The following PLEKHH1 variants were observed in gnomAD, a reference collection of about 807,000 sequenced individuals.
The protein encoded by PLEKHH1 is pleckstrin homology, MyTH4 and FERM domain containing H1.
A neutral mutation model predicts 160.0 loss-of-function variants in PLEKHH1; 104 were observed. The ratio of observed to expected loss-of-function variants is 0.65; its 90% CI spans 0.55 to 0.76. The LOEUF (loss-of-function observed/expected upper bound fraction) is 0.76, where lower values mean the gene tolerates loss of function less well. Among genes scored for constraint, PLEKHH1 ranks in the 30% least tolerant of loss-of-function variants. The pLI is 0.00. For missense variants in PLEKHH1, 1,427 were observed against 1,724.1 expected, an observed-to-expected ratio of 0.83 and a Z score of 3.05; for synonymous variants, 619 against 678.4, an observed-to-expected ratio of 0.91 and a Z score of 1.36.
At position 67,580,476 on chromosome 14, in the gene PLEKHH1, T is replaced by C. The variant is rs1033203421; in HGVS notation, c.3184-462T>C. On this transcript the variant is annotated intron_variant, in intron 22 of 28. Transcript: ENST00000329153. ...CATATTTGGCTCCAGTGTTTGCTTGTCTTTAACAGGACAAAGGCTTCTATG... is the reference window on the plus strand; with the variant it reads ...CATATTTGGCTCCAGTGTTTGCTTGCCTTTAACAGGACAAAGGCTTCTATG... Among the ~76,000 whole-genome samples, 3 of 152,260 alleles carry C rather than the reference T, an allele frequency of 2.0e-5. No individual in the cohort carries two copies. The South Asian group carries it at 6.2e-4, about 32-fold the overall frequency.
chr14:67,577,548 C>T (rs1052830415), intron 18 of PLEKHH1, 134 bp downstream of exon 18: 3 of 633,920 alleles, frequency 4.7e-6, no homozygotes, highest in Non-Finnish European at 8.4e-6. Flanking sequence ...GTCCCTATCA[C>T]TTCCTGGATG....
At chr14:67,570,045 C>A (rs2035298369) in intron 9 of PLEKHH1, 33 bp downstream of exon 9, 2 of 1,409,350 alleles carry the variant, frequency 1.4e-6, no homozygotes, top group Non-Finnish European at 2.0e-6. Flanking sequence ...GGGGGTGTCT[C>A]ATCAGGAAAG....
chr14:67,552,856 G>T (rs2034451939), intron 2 of PLEKHH1, among the ~76,000 whole-genome samples: 1 of 152,078 alleles, frequency 6.6e-6, no homozygotes, highest in Non-Finnish European at 1.5e-5. Flanking sequence ...CCCAGGGCTG[G>T]GAGGATACCC....
Position 67,562,337 on chromosome 14 carries a change from T to A in PLEKHH1, c.706T>A (p.Leu236Met), listed in dbSNP as rs543477446. ...CTCTGTTTCTGAAGCAGCAAGCCCC[T>A]TGGAGGATTCTAGTTCCAGCACGGT... Reference protein sequence around the residue: ...KDSVSEAASPLEDSSSSTVHS... With the variant: ...KDSVSEAASPMEDSSSSTVHS... The change falls in exon 7 of 29, where the codon TTG (leucine) becomes ATG (methionine). Residue 236 changes from leucine to methionine, a missense_variant. Physicochemically the swap from Leu to Met is conservative, Grantham distance 15. Around this residue, in one of 6 missense-constraint regions of PLEKHH1, gnomAD observed 831 missense variants for 929.2 expected, o/e 0.89. Transcript: ENST00000329153. 1.2e-6 allele frequency: 2 copies of A among 1,613,912 alleles called. No individual in the cohort carries two copies. The highest frequency in any genetic ancestry group is 2.2e-5 in the South Asian group (2 of 91,080).
At position 67,562,445 on chromosome 14, in the gene PLEKHH1, C is replaced by A. The variant is rs757497606; in HGVS notation, c.814C>A (p.Leu272Ile). The A allele has an allele frequency of 2.2e-5, 36 of 1,613,588 alleles. 1 individual carries two copies. The East Asian group carries it at 7.8e-4, about 35-fold the overall frequency. Residue 272 changes from leucine (L) to isoleucine (I), a missense_variant, in exon 7 of 29, where the codon CTT (leucine) becomes ATT (isoleucine). Around this residue, in one of 6 missense-constraint regions of PLEKHH1, gnomAD observed 831 missense variants for 929.2 expected, o/e 0.89. Transcript: ENST00000329153. ...ESPPHQPCMK[L>I]LTFRCSSASW... ...CCCTCCCCACCAGCCATGCATGAAG[C>A]TTCTTACCTTCAGATGTAGTTCAGC...
Position 67,579,711 on chromosome 14 carries a change from C to T in PLEKHH1, c.3028-10C>T, listed in dbSNP as rs760404325. ...GTTCACTCAGGGTTGGAACTCTTCTCCCGCCTCAGGTGGTTGGTTTTGACG... is the reference window on the plus strand; with the variant it reads ...GTTCACTCAGGGTTGGAACTCTTCTTCCGCCTCAGGTGGTTGGTTTTGACG... On this transcript the variant is annotated splice_polypyrimidine_tract_variant and intron_variant, in intron 21 of 28. Transcript: ENST00000329153. 1 of 1,611,080 alleles carries T rather than the reference C, an allele frequency of 6.2e-7. No individual in the cohort carries two copies. The highest frequency in any genetic ancestry group is 2.2e-5 in the East Asian group (1 of 44,836).
In PLEKHH1 at chr14:67,571,885, C is replaced by T. The variant is rs1238388516; in HGVS notation, c.1568C>T (p.Pro523Leu). 6.2e-7 allele frequency: 1 copy of T among 1,611,148 alleles called. No homozygotes were observed. The highest frequency in any genetic ancestry group is 1.7e-5 in the Admixed American group (1 of 59,512). ...AGGAAGACCAGCGGACTAGGCAGCC[C>T]CCGGGCCATCAAGAGAGGTACAGAG... ...ESRKTSGLGS[P>L]RAIKRGVSMS... Residue 523 changes from proline to leucine, a missense_variant, in exon 10 of 29, where the codon CCC becomes CTC. Around this residue, in one of 6 missense-constraint regions of PLEKHH1, gnomAD observed 831 missense variants for 929.2 expected, o/e 0.89. Transcript: ENST00000329153.
rs1222727988 is a variant in PLEKHH1, at chr14:67,574,927, A to G, written c.2089-465A>G. ...GAACCAAAGCGACTTGCACTCAGCA[A>G]GCTCAGGGCTGGCAGGCTCGCTGTG... is the stretch of plus-strand genomic sequence containing the variant. On this transcript the variant is annotated intron_variant, in intron 14 of 28. Transcript: ENST00000329153. The surrounding 1 kb of genome is among the most constrained non-coding windows in gnomAD (Gnocchi z 4.2). Among the ~76,000 whole-genome samples the G allele has an allele frequency of 6.6e-5, 10 of 152,166 alleles. No individual in the cohort carries two copies. The highest frequency in any genetic ancestry group is 2.9e-5 in the Non-Finnish European group (2 of 68,030).
chr14:67,576,127 A>G lies in PLEKHH1; in HGVS notation c.2352+122A>G. 1.3e-6 allele frequency: 1 copy of G among 745,774 alleles called. No homozygotes were observed. The highest frequency in any genetic ancestry group is 2.2e-6 in the Non-Finnish European group (1 of 455,340). 46.2% of individuals were successfully genotyped at this position (745,774 alleles called of 1,614,324 possible). A position where few individuals can be genotyped will look rare whatever the true frequency, so the allele number is the denominator to read the frequency against. ...TTTCCTTTTGGACACTTTGGCAACT[A>G]ATATTCTCTGAATGGGAATATTCCT... On this transcript the variant is annotated intron_variant, in intron 16 of 28. Transcript: ENST00000329153. The surrounding 1 kb of genome is among the most constrained non-coding windows in gnomAD (Gnocchi z 4.0).
chr14:67,566,931 GAAGGTATTAAGGGGATT>G (rs2035126767), intron 7 of PLEKHH1, among the ~76,000 whole-genome samples: 1 of 152,252 alleles, frequency 6.6e-6, no homozygotes, highest in African/African-American at 2.4e-5. Flanking sequence ...CTCTGGTGAT[GAAGGTATTAAGGGGATT>G]AAGGTATTAA....
Position 67,541,879 on chromosome 14 carries a change from CA to C in PLEKHH1, c.14del (p.Lys5ArgfsTer8). MAEL[K>X]VEAPASVDWQ... ...AAGTCGATTCCATCATGGCAGAACT[CA>C]AGGTGGAGGCGCCGGCCAGCGTAGA... On this transcript the variant is annotated frameshift_variant, in exon 2 of 29. Coordinates refer to ENST00000329153, the MANE Select transcript of PLEKHH1 (RefSeq NM_020715.3). LOFTEE classifies it high-confidence loss of function. 6.2e-7 allele frequency: 1 copy of C among 1,602,006 alleles called. No individual in the cohort carries two copies. Among genetic ancestry groups the C allele is most frequent in the South Asian group, 1.1e-5 (1 of 88,512 alleles).
chr14:67,533,558 G>A (rs966116102), intron 1 of PLEKHH1, 160 bp downstream of exon 1: 4 of 152,068 alleles, frequency 2.6e-5, no homozygotes, highest in Non-Finnish European at 5.9e-5. Context: ...GAGCGCTGGA[G>A]CGCGGGTCTG....
At chr14:67,553,247 G>A (rs2034467792) in intron 2 of PLEKHH1, among the ~76,000 whole-genome samples, 1 of 152,186 alleles carries the variant, frequency 6.6e-6, no homozygotes. Context: ...TTAGGTCTCA[G>A]TAGTCCTGCT....
intron 1 of PLEKHH1, among the ~76,000 whole-genome samples, chr14:67,539,624 G>A (rs143714377): frequency 1.4e-4 from 21 of 152,240 alleles, no homozygotes; most frequent in Non-Finnish European, 2.9e-4. Flanking sequence ...TCCTAGAAAC[G>A]ATTTCTGCCA....
At chr14:67,567,139 C>CGT (rs558510207) in intron 7 of PLEKHH1, among the ~76,000 whole-genome samples, 5 of 112,890 alleles carry the variant, frequency 4.4e-5, no homozygotes, top group Non-Finnish European at 1.0e-4. Context: ...CATGATCACT[C>CGT]GTGTTCCGTG....
chr14:67,568,459 G>A (rs959144806), intron 7 of PLEKHH1, among the ~76,000 whole-genome samples: 1 of 152,070 alleles, frequency 6.6e-6, no homozygotes, highest in African/African-American at 2.4e-5. Context: ...TGGTGGCGGT[G>A]GGGGAGTATT....
At position 67,579,254 on chromosome 14, in the gene PLEKHH1, C is replaced by G; in HGVS notation, c.2970C>G (p.Pro990=). ...TGGTGTCCATCCTGCTGCGTAACCCCTTCCACCACTCCTTGCCCTTCAGCA... is the reference window on the plus strand; with the variant it reads ...TGGTGTCCATCCTGCTGCGTAACCCGTTCCACCACTCCTTGCCCTTCAGCA... The part of the protein sequence containing the change: ...MEVVSILLRN[P]FHHSLPFSIP... The change falls in exon 21 of 29, where the codon CCC becomes CCG. Residue 990 remains proline, a synonymous_variant. Transcript: ENST00000329153. The G allele has an allele frequency of 6.2e-7, 1 of 1,600,368 alleles. No homozygotes were observed.
chr14:67,550,016 GC>G (rs2034332473), intron 2 of PLEKHH1, among the ~76,000 whole-genome samples: 1 of 152,170 alleles, frequency 6.6e-6, no homozygotes, highest in African/African-American at 2.4e-5. Context: ...GCCCCATGTG[GC>G]CCAGAGAGGT....
intron 25 of PLEKHH1, 47 bp downstream of exon 25, chr14:67,583,930 C>G: frequency 6.2e-7 from 1 of 1,611,684 alleles, no homozygotes; most frequent in Non-Finnish European, 8.5e-7. Flanking sequence ...GGGGAGGTCT[C>G]AGGCCTGGAA....
Sources: allele counts gnomAD v4.1 joint callset (sites outside exome capture counted in the v4.1 genomes callset), GRCh38; gene constraint gnomAD v4.1.1; regional missense constraint gnomAD v4.1.1; non-coding constraint Gnocchi (gnomAD v3.1); transcripts MANE v1.5; gene names NCBI Gene and HGNC (gene_info 2026-07-23, HGNC 2026-07-21).